EGFLAM: variants seen among roughly 807,000 people sequenced by gnomAD.
EGFLAM encodes the protein EGF like, fibronectin type III and laminin G domains.
A neutral mutation model predicts 113.1 loss-of-function variants in EGFLAM; 79 were observed. The observed-to-expected ratio is 0.70, with a 90% CI of 0.58 to 0.84. The LOEUF is 0.84. EGFLAM is among the 40% of genes least tolerant of loss of function. The pLI, the probability that EGFLAM is intolerant of heterozygous loss-of-function variation, is 0.00. For synonymous variants in EGFLAM, 504 were observed against 487.6 expected (o/e 1.03, Z -0.44); for missense variants, 1,265 against 1,291.6 (o/e 0.98, Z 0.32).
chr5:38,360,308 T>C (rs1057360655), intron 5 of EGFLAM, among the ~76,000 whole-genome samples: 4 of 152,246 alleles, frequency 2.6e-5, no homozygotes, highest in African/African-American at 9.6e-5. Context: ...TGATTCATAG[T>C]ATCATCTCTT....
At chr5:38,341,726 G>A (rs903073718) in intron 3 of EGFLAM, among the ~76,000 whole-genome samples, 4 of 152,224 alleles carry the variant, frequency 2.6e-5, no homozygotes, top group East Asian at 1.9e-4. Context: ...TTATTATATC[G>A]TATCATTCTG....
At chr5:38,304,928 A>G (rs1758687030) in intron 1 of EGFLAM, among the ~76,000 whole-genome samples, 1 of 152,184 alleles carries the variant, frequency 6.6e-6, no homozygotes, top group South Asian at 2.1e-4. Flanking sequence ...AAAGGGCAAA[A>G]AGAGCCTTGG....
chr5:38,434,990 T>C lies in EGFLAM; in HGVS notation c.2167-147T>C, dbSNP rs537986435. ...GGAGCAATGAGAAACACTGTGAAAGTGAAGCCCTTGTGTAGACAGATTGTC... is the reference window on the plus strand; with the variant it reads ...GGAGCAATGAGAAACACTGTGAAAGCGAAGCCCTTGTGTAGACAGATTGTC... On this transcript the variant is annotated intron_variant, in intron 15 of 21. Transcript: ENST00000322350. 6 of 620,084 alleles carry C rather than the reference T, an allele frequency of 9.7e-6. No homozygotes were observed. The East Asian group carries it at 1.7e-4, about 17-fold the overall frequency. The allele number at this position is 620,084 out of a possible 1,614,324, so 38.4% of individuals were successfully genotyped here.
intron 3 of EGFLAM, among the ~76,000 whole-genome samples, chr5:38,344,074 G>A (rs972768340): frequency 6.6e-6 from 1 of 152,250 alleles, no homozygotes; most frequent in Non-Finnish European, 1.5e-5. Context: ...CTAGCAGTAG[G>A]AGGAGAAAGA....
rs1454583301 is a variant in EGFLAM, at chr5:38,462,914, C to T, written c.2778C>T (p.Gly926=). Reference sequence around the variant, plus strand: ...TTGTTTTGGTGTTTTGCAGGGATGGCCAGTCAGGAAAGATAACCGTGGATG... The same window carrying T: ...TTGTTTTGGTGTTTTGCAGGGATGGTCAGTCAGGAAAGATAACCGTGGATG... ...RWHRVKAVRD[G]QSGKITVDDY... Residue 926 remains glycine (G), a synonymous_variant, in exon 21 of 22, where the codon GGC becomes GGT. Coordinates refer to ENST00000322350, the MANE Select transcript of EGFLAM (RefSeq NM_152403.4). The T allele has an allele frequency of 1.2e-6, 2 of 1,614,018 alleles. No individual in the cohort carries two copies. Among genetic ancestry groups the T allele is most frequent in the East Asian group, 2.2e-5 (1 of 44,878 alleles).
intron 13 of EGFLAM, among the ~76,000 whole-genome samples, chr5:38,425,564 G>A (rs1741978561): frequency 6.6e-6 from 1 of 152,118 alleles, no homozygotes. Context: ...TTTTAAACAA[G>A]GTTGGAGTGT....
intron 11 of EGFLAM, 39 bp from the exon 12 acceptor site, chr5:38,418,026 GT>G: frequency 6.4e-7 from 1 of 1,572,282 alleles, no homozygotes; most frequent in South Asian, 1.2e-5. Flanking sequence ...TTTTGATTTT[GT>G]TTAGTGAGAG....
chr5:38,401,639 G>A (rs528766331), intron 6 of EGFLAM, among the ~76,000 whole-genome samples: 14 of 152,318 alleles, frequency 9.2e-5, no homozygotes, highest in Admixed American at 7.2e-4. Context: ...CACTGTGGGA[G>A]TGTCTCCTGT....
At chr5:38,386,218 T>TTTGTTG (rs938762898) in intron 6 of EGFLAM, among the ~76,000 whole-genome samples, 1 of 152,134 alleles carries the variant, frequency 6.6e-6, no homozygotes. Flanking sequence ...TCACAAATAC[T>TTTGTTG]TTGTTGTTGT....
chr5:38,351,198 T>G (rs535926519), intron 4 of EGFLAM, among the ~76,000 whole-genome samples: 5 of 149,786 alleles, frequency 3.3e-5, no homozygotes, highest in Admixed American at 6.7e-5. Context: ...AACCTCCACC[T>G]CCTGGGTTCA....
chr5:38,359,769 C>T (rs6886472), intron 5 of EGFLAM, among the ~76,000 whole-genome samples: 3,181 of 152,264 alleles, frequency 0.021, 118 homozygotes, highest in African/African-American at 0.073. Flanking sequence ...GGTCAAGAAA[C>T]GTTCTCTAAA....
At chr5:38,446,080 T>C (rs528283575) in intron 17 of EGFLAM, among the ~76,000 whole-genome samples, 28 of 152,228 alleles carry the variant, frequency 1.8e-4, no homozygotes, top group Non-Finnish European at 2.6e-4. Context: ...CACCAGGGAC[T>C]CCTTGGTTCC....
intron 17 of EGFLAM, 28 bp downstream of exon 17, chr5:38,438,483 C>T: frequency 6.5e-7 from 1 of 1,540,704 alleles, no homozygotes; most frequent in Non-Finnish European, 8.8e-7. Context: ...AGGCACAGCT[C>T]CCTGGAGGGA....
intron 6 of EGFLAM, among the ~76,000 whole-genome samples, chr5:38,405,559 C>T (rs181020388): frequency 3.2e-4 from 48 of 152,214 alleles, no homozygotes; most frequent in African/African-American, 9.9e-4. Context: ...TATAGATATA[C>T]TATAAATAAT....
chr5:38,369,931 C>T (rs1276245247), intron 5 of EGFLAM, among the ~76,000 whole-genome samples: 1 of 152,158 alleles, frequency 6.6e-6, no homozygotes, highest in African/African-American at 2.4e-5. Flanking sequence ...GTTCTTCTGA[C>T]CTCTGGGGAT....
chr5:38,404,292 T>C (rs571021887), intron 6 of EGFLAM, among the ~76,000 whole-genome samples: 1 of 152,328 alleles, frequency 6.6e-6, no homozygotes, highest in Admixed American at 6.5e-5. Context: ...TGGGAGGTAC[T>C]TAGATCATAA....
At chr5:38,308,106 C>T (rs1758775369) in intron 1 of EGFLAM, among the ~76,000 whole-genome samples, 1 of 152,216 alleles carries the variant, frequency 6.6e-6, no homozygotes, top group Non-Finnish European at 1.5e-5. Context: ...AAACAGACTT[C>T]TTCCTCTACG....
intron 1 of EGFLAM, among the ~76,000 whole-genome samples, chr5:38,335,361 G>A (rs1279347835): frequency 2.0e-5 from 3 of 152,174 alleles, no homozygotes; most frequent in Admixed American, 6.5e-5. Context: ...AATAGTTAAT[G>A]TACATGCGTG....
intron 19 of EGFLAM, among the ~76,000 whole-genome samples, chr5:38,453,375 G>A (rs957135073): frequency 6.6e-6 from 1 of 152,208 alleles, no homozygotes. Flanking sequence ...GCTTCTGTTG[G>A]TCCTGTGCTA....
Sources: gnomAD v4.1 joint callset for allele counts (sites outside exome capture counted in the v4.1 genomes callset) on GRCh38, gnomAD v4.1.1 for gene constraint, MANE v1.5 for transcripts, NCBI Gene and HGNC (gene_info 2026-07-23, HGNC 2026-07-21) for gene names.